The following USH2A variants were observed in gnomAD, a reference collection of about 807,000 sequenced individuals.
USH2A encodes Usher syndrome 2A (autosomal recessive, mild).
In USH2A, 443 loss-of-function variants were observed where a neutral mutation model predicts 538.9. The ratio of observed to expected loss-of-function variants is 0.82; its 90% CI spans 0.76 to 0.89. The LOEUF (loss-of-function observed/expected upper bound fraction) is 0.89, where lower values mean the gene tolerates loss of function less well. Ranked by LOEUF, USH2A falls within the 40% of genes least tolerant of loss-of-function variation. USH2A has a pLI of 0.00. For synonymous variants in USH2A, 2,413 were observed against 2,273.5 expected (o/e 1.06, Z -1.75); for missense variants, 6,633 against 6,324.8 (o/e 1.05, Z -1.65).
At chr1:216,217,961 T>G (rs563560831) in intron 14 of USH2A, among the ~76,000 whole-genome samples, 2 of 152,114 alleles carry the variant, frequency 1.3e-5, no homozygotes, top group African/African-American at 4.8e-5. Flanking sequence ...TCTTTTCAAG[T>G]GACTCTCCAA....
rs763456888 is a variant in USH2A, at chr1:215,782,931, C to T, written c.10392G>A (p.Val3464=). 3 of 1,612,948 alleles carry T rather than the reference C, an allele frequency of 1.9e-6. No homozygotes were observed. The African/African-American group carries it at 4.0e-5, about 22-fold the overall frequency. The change falls in exon 53 of 72, where the codon GTG becomes GTA. Residue 3464 remains valine (V), a synonymous_variant. Coordinates refer to ENST00000307340, the MANE Select transcript of USH2A (RefSeq NM_206933.4). ...GSVNTYSYTD[V]NLKPYMTYEY... The stretch of plus-strand genomic sequence containing the variant: ...CATATGTCATGTAGGGCTTGAGGTT[C>T]ACATCTGGAAAGAGAAAAAATAGAC...
chr1:216,134,639 G>A lies in USH2A; in HGVS notation c.4628-37426C>T, dbSNP rs2033445262. Among the ~76,000 whole-genome samples the A allele has an allele frequency of 2.6e-5, 4 of 152,108 alleles. No individual in the cohort carries two copies. In the South Asian group the frequency reaches 8.3e-4, roughly 31 times the overall value. ...ATGCTAGATAGAAATTGTCCACCCAGTGGACAAACTTTTCATATTGCACAA... is the reference window on the plus strand; with the variant it reads ...ATGCTAGATAGAAATTGTCCACCCAATGGACAAACTTTTCATATTGCACAA... On this transcript the variant is annotated intron_variant, in intron 21 of 71. Coordinates refer to ENST00000307340, the MANE Select transcript of USH2A (RefSeq NM_206933.4).
chr1:215,635,345 G>A (rs578003135), intron 69 of USH2A, among the ~76,000 whole-genome samples: 19 of 152,228 alleles, frequency 1.2e-4, no homozygotes, highest in Admixed American at 5.9e-4. Flanking sequence ...GCTTCCTATG[G>A]AAAGAAATCT....
In USH2A at chr1:216,012,367, AC is replaced by A. The variant is rs1452456528; in HGVS notation, c.6326-11806del. On this transcript the variant is annotated intron_variant, in intron 32 of 71. Transcript: ENST00000307340. ...ACATCAAGCTCAAGGATTTGCCCCCACCCAGGACTGGCAAATTAGCTTTACT... is the reference window on the plus strand; with the variant it reads ...ACATCAAGCTCAAGGATTTGCCCCCACCAGGACTGGCAAATTAGCTTTACT... 2.0e-5 allele frequency among the ~76,000 whole-genome samples: 3 copies of A among 152,136 alleles called. No homozygotes were observed. The East Asian group carries it at 5.8e-4, about 30-fold the overall frequency.
intron 14 of USH2A, among the ~76,000 whole-genome samples, chr1:216,222,810 C>T (rs2035482243): frequency 6.6e-6 from 1 of 152,098 alleles, no homozygotes; most frequent in Non-Finnish European, 1.5e-5. Context: ...GAAACCCTGT[C>T]TCTATTAAAA....
intron 13 of USH2A, among the ~76,000 whole-genome samples, chr1:216,237,537 C>T (rs1032220284): frequency 4.0e-5 from 6 of 150,554 alleles, no homozygotes; most frequent in African/African-American, 1.5e-4. Flanking sequence ...AAAAGTTCCA[C>T]TCTTTCAGAG....
chr1:215,700,620 GGTAGTTT>G (rs1430083680), intron 61 of USH2A, among the ~76,000 whole-genome samples: 1 of 152,082 alleles, frequency 6.6e-6, no homozygotes, highest in Non-Finnish European at 1.5e-5. Flanking sequence ...ATCCTCTGAT[GGTAGTTT>G]GTATTTCTGT....
intron 46 of USH2A, among the ~76,000 whole-genome samples, chr1:215,840,839 T>C (rs1233399649): frequency 6.6e-6 from 1 of 152,216 alleles, no homozygotes; most frequent in Non-Finnish European, 1.5e-5. Context: ...CTTCCTGTGT[T>C]AGCCTTTTTT....
At chr1:215,879,173 T>A in intron 41 of USH2A, 75 bp from the exon 42 acceptor site, 1 of 1,368,274 alleles carries the variant, frequency 7.3e-7, no homozygotes, top group Non-Finnish European at 1.0e-6. Context: ...AGGCCTAGAA[T>A]TTTGCTCTTG....
In USH2A at chr1:215,790,201, T is replaced by C. The variant is rs1415565146; in HGVS notation, c.10040A>G (p.His3347Arg). ...TGGCACCGGGTCATTCTTTTTAATA[T>C]GTGCTTTAGACTCTCCACTGGAAGC... Reference protein sequence around the residue: ...CSASSGESKAHIKKNDPVPVK... With the variant: ...CSASSGESKARIKKNDPVPVK... The change falls in exon 51 of 72, where the codon CAT (histidine) becomes CGT (arginine). Residue 3347 changes from histidine (H) to arginine (R), a missense_variant. Transcript: ENST00000307340. The C allele has an allele frequency of 5.0e-6, 8 of 1,614,122 alleles. No homozygotes were observed. Among genetic ancestry groups the C allele is most frequent in the Non-Finnish European group, 6.8e-6 (8 of 1,180,008 alleles).
At position 216,084,694 on chromosome 1, in the gene USH2A, T is replaced by C. The variant is rs397518019; in HGVS notation, c.5167+4A>G. The C allele has an allele frequency of 6.2e-7, 1 of 1,612,690 alleles. No homozygotes were observed. Among genetic ancestry groups the C allele is most frequent in the Non-Finnish European group, 8.5e-7 (1 of 1,179,446 alleles). On this transcript the variant is annotated splice_donor_region_variant and intron_variant, in intron 25 of 71. Transcript: ENST00000307340. ...GAACACTCATGTCTTTTTTAGAGCA[T>C]TACCTGCTCCTAGGAACTGAGCTCC...
chr1:215,639,541 G>A (rs763948866), intron 68 of USH2A, among the ~76,000 whole-genome samples: 1 of 152,178 alleles, frequency 6.6e-6, no homozygotes, highest in Non-Finnish European at 1.5e-5. Context: ...TTCTGCACAC[G>A]GTTTAAATCC....
intron 4 of USH2A, among the ~76,000 whole-genome samples, chr1:216,331,718 A>G (rs1212391073): frequency 6.6e-6 from 1 of 152,164 alleles, no homozygotes; most frequent in Non-Finnish European, 1.5e-5. Flanking sequence ...TAACCAATGG[A>G]AATTAAAACT....
intron 15 of USH2A, among the ~76,000 whole-genome samples, chr1:216,213,613 T>G (rs1477362521): frequency 6.6e-6 from 1 of 151,976 alleles, no homozygotes; most frequent in African/African-American, 2.4e-5. Context: ...GATCTAAATG[T>G]AAATGTTTAA....
intron 38 of USH2A, among the ~76,000 whole-genome samples, chr1:215,910,581 T>C (rs1665756171): frequency 6.6e-6 from 1 of 151,948 alleles, no homozygotes; most frequent in East Asian, 1.9e-4. Context: ...ACTATATAAG[T>C]GTTTGCTATT....
Position 215,867,008 on chromosome 1 carries a change from TG to T in USH2A, c.8843del (p.Pro2948GlnfsTer26). The T allele has an allele frequency of 1.2e-6, 2 of 1,614,130 alleles. No homozygotes were observed. Among genetic ancestry groups the T allele is most frequent in the Non-Finnish European group, 1.7e-6 (2 of 1,179,992 alleles). On this transcript the variant is annotated frameshift_variant and splice_region_variant, in exon 44 of 72. Transcript: ENST00000307340. LOFTEE classifies it high-confidence loss of function. ...HTAIDVRWAKPTVQDLQGEVE... is the reference protein window; with the variant it reads ...HTAIDVRWAKXTVQDLQGEVE... ...CACAGGTATGAGAAGCTTACTTACT[TG>T]GTTTAGCCCACCTCACGTCGATGGC... is the stretch of plus-strand genomic sequence containing the variant.
intron 52 of USH2A, among the ~76,000 whole-genome samples, chr1:215,784,414 CTG>C (rs1231639910): frequency 6.6e-6 from 1 of 152,130 alleles, no homozygotes; most frequent in Non-Finnish European, 1.5e-5. Context: ...TTGGTAATGA[CTG>C]TTATTCTGTA....
intron 27 of USH2A, among the ~76,000 whole-genome samples, chr1:216,077,608 T>C (rs2031794545): frequency 6.8e-6 from 1 of 146,332 alleles, no homozygotes; most frequent in Admixed American, 7.2e-5. Context: ...TACACACATA[T>C]ATTTCTTATA....
At chr1:216,093,868 C>T (rs1456562132) in intron 22 of USH2A, among the ~76,000 whole-genome samples, 1 of 152,138 alleles carries the variant, frequency 6.6e-6, no homozygotes, top group African/African-American at 2.4e-5. Flanking sequence ...TAATTCAGTG[C>T]TATTCAAATA....
Sources: gnomAD v4.1 joint callset for allele counts (sites outside exome capture counted in the v4.1 genomes callset) on GRCh38, gnomAD v4.1.1 for gene constraint, MANE v1.5 for transcripts, NCBI Gene and HGNC (gene_info 2026-07-23, HGNC 2026-07-21) for gene names.